Variants in LYPLAL1 observed in about 807,000 individuals in gnomAD.
LYPLAL1 encodes the protein lysophospholipase-like protein 1.
Under a neutral mutation model 19.7 loss-of-function variants are expected in LYPLAL1, and 23 were observed. The observed-to-expected ratio is 1.17, with a 90% CI of 0.84 to 1.65. The LOEUF (loss-of-function observed/expected upper bound fraction) is 1.65, where lower values mean the gene tolerates loss of function less well. Among genes scored for constraint, LYPLAL1 ranks in the 40% most tolerant of loss-of-function variants. LYPLAL1 has a pLI of 0.00. For synonymous variants in LYPLAL1, 119 were observed against 96.3 expected (o/e 1.24, Z -1.38); for missense variants, 355 against 279.4 (o/e 1.27, Z -1.93).
At chr1:219,249,711 A>G in the LYPLAL1 span, among the ~76,000 whole-genome samples, 8 of 151,984 alleles carry the variant, frequency 5.3e-5, no homozygotes, top group Non-Finnish European at 4.4e-5. Flanking sequence ...GGTAATTTCT[A>G]TCTTTTCTCA....
chr1:219,250,904 G>A, the LYPLAL1 span, among the ~76,000 whole-genome samples: 1 of 151,858 alleles, frequency 6.6e-6, no homozygotes, highest in South Asian at 2.1e-4. Flanking sequence ...ATGGTTGAAC[G>A]AATTTACACT....
chr1:219,321,209 T>G, the LYPLAL1 span, among the ~76,000 whole-genome samples: 1 of 152,256 alleles, frequency 6.6e-6, no homozygotes, highest in African/African-American at 2.4e-5. Flanking sequence ...GAGCAGTTTT[T>G]CATGTGTCTG....
At chr1:219,394,714 A>T in the LYPLAL1 span, among the ~76,000 whole-genome samples, 1 of 152,220 alleles carries the variant, frequency 6.6e-6, no homozygotes, top group African/African-American at 2.4e-5. Flanking sequence ...TGTTATATAG[A>T]TTATTTCATC....
chr1:219,385,205 G>T, the LYPLAL1 span, among the ~76,000 whole-genome samples: 1 of 152,084 alleles, frequency 6.6e-6, no homozygotes, highest in African/African-American at 2.4e-5. Flanking sequence ...CTTCCATTGG[G>T]CAAAGAAAAA....
At chr1:219,279,426 T>G in the LYPLAL1 span, among the ~76,000 whole-genome samples, 1 of 152,204 alleles carries the variant, frequency 6.6e-6, no homozygotes, top group African/African-American at 2.4e-5. Context: ...ATAATGTTGC[T>G]TTGACGTGAA....
At chr1:219,193,058 T>TG (rs60036848) in intron 2 of LYPLAL1, 24 bp from the exon 3 acceptor site, 900,031 of 1,188,594 alleles carry the variant, frequency 0.76, 325,417 homozygotes, top group African/African-American at 0.82. Context: ...TCTTTTTTTT[T>TG]GGGGGGGGGC....
At chr1:219,355,677 C>T in the LYPLAL1 span, among the ~76,000 whole-genome samples, 3 of 152,054 alleles carry the variant, frequency 2.0e-5, no homozygotes, top group African/African-American at 4.8e-5. Context: ...ATACCTCTTA[C>T]AAGAGTACAC....
chr1:219,431,077 G>A, the LYPLAL1 span, among the ~76,000 whole-genome samples: 1 of 152,200 alleles, frequency 6.6e-6, no homozygotes, highest in East Asian at 1.9e-4. Context: ...ATTTAATTTT[G>A]TGTACTTCAC....
At chr1:219,413,664 TA>T in the LYPLAL1 span, among the ~76,000 whole-genome samples, 60 of 152,314 alleles carry the variant, frequency 3.9e-4, no homozygotes, top group East Asian at 9.1e-3. Flanking sequence ...GACAGCTCCC[TA>T]CCCTTTAAAA....
At chr1:219,186,412 G>A (rs945751852) in intron 2 of LYPLAL1, among the ~76,000 whole-genome samples, 1 of 151,542 alleles carries the variant, frequency 6.6e-6, no homozygotes, top group Non-Finnish European at 1.5e-5. Context: ...CCAAGGGATG[G>A]GTATTAAAAT....
At chr1:219,387,761 T>C in the LYPLAL1 span, among the ~76,000 whole-genome samples, 4 of 152,230 alleles carry the variant, frequency 2.6e-5, no homozygotes, top group Non-Finnish European at 5.9e-5. Flanking sequence ...TTCACTTTCA[T>C]TTTAAATGAC....
the LYPLAL1 span, among the ~76,000 whole-genome samples, chr1:219,414,450 T>A: frequency 6.6e-6 from 1 of 152,200 alleles, no homozygotes; most frequent in Non-Finnish European, 1.5e-5. Context: ...AAATTCCAGC[T>A]CTGCCATTTC....
chr1:219,270,455 G>T, the LYPLAL1 span, among the ~76,000 whole-genome samples: 1 of 152,196 alleles, frequency 6.6e-6, no homozygotes, highest in African/African-American at 2.4e-5. Context: ...ATTTGCATAA[G>T]GCATGAAAAA....
At chr1:219,419,594 C>CACACACAGAG in the LYPLAL1 span, among the ~76,000 whole-genome samples, 334 of 99,572 alleles carry the variant, frequency 3.4e-3, 2 homozygotes, top group Middle Eastern at 5.4e-3. Flanking sequence ...CACACACACA[C>CACACACAGAG]AGAGAGAGAG....
the LYPLAL1 span, among the ~76,000 whole-genome samples, chr1:219,278,745 G>A: frequency 6.6e-6 from 1 of 152,256 alleles, no homozygotes; most frequent in East Asian, 1.9e-4. Context: ...CGGACACCCT[G>A]CCATCTTGTC....
chr1:219,294,491 T>C, the LYPLAL1 span, among the ~76,000 whole-genome samples: 69 of 152,294 alleles, frequency 4.5e-4, no homozygotes, highest in African/African-American at 1.6e-3. Flanking sequence ...CCCTTACTTA[T>C]CTCTGGTAAT....
chr1:219,430,393 G>A, the LYPLAL1 span, among the ~76,000 whole-genome samples: 1 of 150,970 alleles, frequency 6.6e-6, no homozygotes, highest in South Asian at 2.1e-4. Context: ...TCGTTTTGTA[G>A]TTATTTTTCT....
chr1:219,403,453 G>C, the LYPLAL1 span, among the ~76,000 whole-genome samples: 1 of 152,162 alleles, frequency 6.6e-6, no homozygotes, highest in East Asian at 1.9e-4. Flanking sequence ...TTATTGAAAA[G>C]TGTGGAGGAG....
At chr1:219,243,813 G>T in the LYPLAL1 span, among the ~76,000 whole-genome samples, 1 of 151,440 alleles carries the variant, frequency 6.6e-6, no homozygotes, top group Non-Finnish European at 1.5e-5. Context: ...CAGCTACTTG[G>T]GAGGCTGAGA....
Sources: gnomAD v4.1 joint callset for allele counts (sites outside exome capture counted in the v4.1 genomes callset) on GRCh38, gnomAD v4.1.1 for gene constraint, MANE v1.5 for transcripts, NCBI Gene and HGNC (gene_info 2026-07-23, HGNC 2026-07-21) for gene names.